SMCHD1: variants seen among roughly 807,000 people sequenced by gnomAD.
SMCHD1 encodes structural maintenance of chromosomes flexible hinge domain containing 1, also known as structural maintenance of chromosomes flexible hinge domain-containing protein 1.
SMCHD1 carries 78 observed loss-of-function variants against 254.7 expected under a neutral mutation model. The observed-to-expected ratio is 0.31, with a 90% CI of 0.26 to 0.37. The LOEUF is 0.37. Among genes scored for constraint, SMCHD1 ranks in the 10% least tolerant of loss-of-function variants. The pLI is 1.00. For missense variants in SMCHD1, 1,840 were observed against 2,408.1 expected (o/e 0.76, Z 4.94); for synonymous variants, 766 against 794.9 (o/e 0.96, Z 0.61).
In SMCHD1 at chr18:2,666,373, G is replaced by C. The variant is rs997970199; in HGVS notation, c.262+141G>C. 24 of 539,816 alleles carry C rather than the reference G, an allele frequency of 4.4e-5. No individual in the cohort carries two copies. In the African/African-American group the frequency reaches 4.7e-4, roughly 10 times the overall value. 33.4% of individuals were successfully genotyped at this position (539,816 alleles called of 1,614,324 possible). A position where few individuals can be genotyped will look rare whatever the true frequency, so the allele number is the denominator to read the frequency against. On this transcript the variant is annotated intron_variant, in intron 2 of 47. Transcript: ENST00000320876. ...GTTGGGATGAGGGAGGAAACTGGCT[G>C]CATGTGCATAGTCTGCACAGAGGTT...
chr18:2,753,162 T>C (rs756534436), intron 34 of SMCHD1: 2 of 152,330 alleles, frequency 1.3e-5, no homozygotes, highest in Admixed American at 1.3e-4. Context: ...TTTGGTCTTA[T>C]TTAGAGTTCC....
intron 34 of SMCHD1, chr18:2,752,798 C>A (rs1052906688): frequency 1.1e-5 from 4 of 370,716 alleles, no homozygotes; most frequent in Non-Finnish European, 2.0e-5. Flanking sequence ...CAGAAGAATT[C>A]TTTTATGTTG....
intron 24 of SMCHD1, among the ~76,000 whole-genome samples, chr18:2,731,659 A>G (rs1288117081): frequency 6.6e-6 from 1 of 152,240 alleles, no homozygotes; most frequent in Non-Finnish European, 1.5e-5. Context: ...AAATACTAAC[A>G]GAGTATGTAA....
chr18:2,804,288 G>A lies in SMCHD1; in HGVS notation c.*1736G>A, dbSNP rs537175518. On this transcript the variant is annotated 3_prime_UTR_variant, in exon 48 of 48. Transcript: ENST00000320876. ...TTTAAAAATTCTTTTTATTAGAAGT[G>A]TGTTTAAAAACATGTCTTTTTTTCC... 5 of 152,272 alleles carry A rather than the reference G, an allele frequency of 3.3e-5. No homozygotes were observed. The highest frequency in any genetic ancestry group is 3.9e-4 in the East Asian group (2 of 5,184). 9.4% of individuals were successfully genotyped at this position (152,272 alleles called of 1,614,324 possible).
chr18:2,787,542 A>G (rs1297909177), intron 45 of SMCHD1, among the ~76,000 whole-genome samples: 4 of 152,242 alleles, frequency 2.6e-5, no homozygotes, highest in Non-Finnish European at 5.9e-5. Flanking sequence ...AAAGAAACTG[A>G]TAAGAAATCA....
At chr18:2,703,564 T>C in intron 12 of SMCHD1, 128 bp from the exon 13 acceptor site, 1 of 700,882 alleles carries the variant, frequency 1.4e-6, no homozygotes, top group Admixed American at 3.2e-5. Flanking sequence ...CAGCAGAATA[T>C]TTAATTTTTT....
At chr18:2,705,956 A>AT in intron 14 of SMCHD1, 149 bp downstream of exon 14, 1 of 521,292 alleles carries the variant, frequency 1.9e-6, no homozygotes, top group African/African-American at 1.9e-5. Context: ...TCATAAGTTG[A>AT]TGTTTTTAAT....
At chr18:2,681,518 G>C (rs1487030618) in intron 5 of SMCHD1, among the ~76,000 whole-genome samples, 1 of 148,866 alleles carries the variant, frequency 6.7e-6, no homozygotes, top group African/African-American at 2.5e-5. Context: ...CTAGGAGGTC[G>C]AGGCCGCAGT....
At chr18:2,675,533 G>C (rs985884204) in intron 5 of SMCHD1, among the ~76,000 whole-genome samples, 1 of 152,086 alleles carries the variant, frequency 6.6e-6, no homozygotes, top group Admixed American at 6.6e-5. Context: ...ATAGTGCTAG[G>C]ATTACAGGCG....
chr18:2,688,972 C>G (rs1204356140), intron 7 of SMCHD1, among the ~76,000 whole-genome samples: 2 of 151,964 alleles, frequency 1.3e-5, no homozygotes, highest in Non-Finnish European at 2.9e-5. Context: ...TTTCCCTGGT[C>G]TGAATTTGGG....
intron 5 of SMCHD1, among the ~76,000 whole-genome samples, chr18:2,687,082 A>G (rs1320963756): frequency 6.6e-6 from 1 of 152,058 alleles, no homozygotes; most frequent in South Asian, 2.1e-4. Context: ...CCTTCCCCCA[A>G]CTTAAGGACT....
At position 2,684,247 on chromosome 18, in the gene SMCHD1, T is replaced by C. The variant is rs563981537; in HGVS notation, c.639-4147T>C. On this transcript the variant is annotated intron_variant, in intron 5 of 47. Transcript: ENST00000320876. Reference sequence around the variant, plus strand: ...AGATCTTCAGAAAGGAAAACAATACTGGATATTATTACGTTATCCAGAAAG... The same window carrying C: ...AGATCTTCAGAAAGGAAAACAATACCGGATATTATTACGTTATCCAGAAAG... Among the ~76,000 whole-genome samples, 50 of 152,236 alleles carry C rather than the reference T, an allele frequency of 3.3e-4. No individual in the cohort carries two copies. In the South Asian group the frequency reaches 0.01, roughly 32 times the overall value.
intron 42 of SMCHD1, among the ~76,000 whole-genome samples, chr18:2,777,384 G>A (rs553742548): frequency 6.6e-6 from 1 of 152,300 alleles, no homozygotes; most frequent in African/African-American, 2.4e-5. Flanking sequence ...TGTGTGGGAA[G>A]GACAGGAAGA....
intron 39 of SMCHD1, among the ~76,000 whole-genome samples, chr18:2,770,848 T>A (rs1794184762): frequency 6.6e-6 from 1 of 152,146 alleles, no homozygotes; most frequent in Admixed American, 6.5e-5. Flanking sequence ...CTCGAACTTC[T>A]TACCTCAAGT....
At chr18:2,794,142 A>G (rs1045885938) in intron 45 of SMCHD1, among the ~76,000 whole-genome samples, 8 of 152,280 alleles carry the variant, frequency 5.3e-5, no homozygotes, top group South Asian at 4.1e-4. Flanking sequence ...AGATATTTAT[A>G]TAACTATTTA....
intron 12 of SMCHD1, among the ~76,000 whole-genome samples, chr18:2,702,850 C>T (rs893842013): frequency 6.6e-6 from 1 of 152,112 alleles, no homozygotes; most frequent in Admixed American, 6.5e-5. Flanking sequence ...GTATAAGGTA[C>T]GTAAGAAGGA....
Position 2,656,125 on chromosome 18 carries a change from A to T in SMCHD1, c.50A>T (p.Glu17Val). Residue 17 changes from glutamate to valine, a missense_variant, in exon 1 of 48, where the codon GAG becomes GTG. By Grantham distance (121) the Glu-to-Val change is moderately radical. Around this residue, in one of 9 missense-constraint regions of SMCHD1, gnomAD observed 115 missense variants for 99.1 expected, o/e 1.16. Transcript: ENST00000320876. Reference protein sequence around the residue: ...GGPGGASVGTEEDGGGVGHRT... With the variant: ...GGPGGASVGTVEDGGGVGHRT... ...CCTGGTGGGGCCTCTGTGGGGACTG[A>T]GGAGGATGGCGGAGGCGTCGGCCAC... is the stretch of plus-strand genomic sequence containing the variant. The T allele has an allele frequency of 1.3e-6, 2 of 1,484,350 alleles. No individual in the cohort carries two copies. Among genetic ancestry groups the T allele is most frequent in the Non-Finnish European group, 1.8e-6 (2 of 1,119,072 alleles). The allele number at this position is 1,484,350 out of a possible 1,614,324, so 91.9% of individuals were successfully genotyped here. A position where few individuals can be genotyped will look rare whatever the true frequency, so the allele number is the denominator to read the frequency against.
chr18:2,752,522 A>G lies in SMCHD1; in HGVS notation c.4316A>G (p.Asn1439Ser), dbSNP rs767898877. The G allele has an allele frequency of 1.9e-6, 3 of 1,595,826 alleles. No individual in the cohort carries two copies. The highest frequency in any genetic ancestry group is 3.3e-5 in the Admixed American group (2 of 59,830). Residue 1439 changes from asparagine (N) to serine (S), a missense_variant, in exon 34 of 48, where the codon AAT becomes AGT. Physicochemically the swap from Asn to Ser is conservative, Grantham distance 46. Transcript: ENST00000320876. ...ETFSCNKIKD[N>S]DKEDGCFYFR... ...TTTAGTTGTAATAAAATAAAAGATA[A>G]TGACAAAGAAGATGGCTGCTTCTAT...
intron 1 of SMCHD1, among the ~76,000 whole-genome samples, chr18:2,661,939 G>C (rs1165537744): frequency 6.8e-6 from 1 of 147,184 alleles, no homozygotes. Context: ...GGTGGATCAT[G>C]AGGTCAGGAG....
Sources: allele counts gnomAD v4.1 joint callset (sites outside exome capture counted in the v4.1 genomes callset), GRCh38; gene constraint gnomAD v4.1.1; regional missense constraint gnomAD v4.1.1; transcripts MANE v1.5; gene names NCBI Gene and HGNC (gene_info 2026-07-23, HGNC 2026-07-21).